The following ACSL3 variants were observed in gnomAD, a reference collection of about 807,000 sequenced individuals.
ACSL3 encodes the protein acyl-CoA synthetase long chain family member 3.
A neutral mutation model predicts 84.7 loss-of-function variants in ACSL3; 34 were observed. The observed-to-expected ratio is 0.40, with a 90% CI of 0.31 to 0.53. The LOEUF is 0.53. ACSL3 is among the 20% of genes least tolerant of loss of function. The pLI is 0.48. For synonymous variants in ACSL3, 315 were observed against 299.4 expected (o/e 1.05, Z -0.54); for missense variants, 680 against 873.1 (o/e 0.78, Z 2.79).
chr2:222,941,023 T>A (rs1697292083), intron 16 of ACSL3, among the ~76,000 whole-genome samples: 1 of 152,138 alleles, frequency 6.6e-6, no homozygotes, highest in African/African-American at 2.4e-5. Flanking sequence ...CACCTCAGCC[T>A]CCTGAGTAAC....
At chr2:222,929,304 CT>C (rs60728820) in intron 13 of ACSL3, among the ~76,000 whole-genome samples, 126,178 of 151,678 alleles carry the variant, frequency 0.83, 52,763 homozygotes, top group East Asian at 0.97. Flanking sequence ...TGATTTTTTT[CT>C]TTTTTTTTCT....
At chr2:222,876,020 C>A (rs1176205009) in intron 1 of ACSL3, among the ~76,000 whole-genome samples, 1 of 152,120 alleles carries the variant, frequency 6.6e-6, no homozygotes. Flanking sequence ...ACATACAATC[C>A]ATAGTTAAAA....
chr2:222,928,998 C>T, intron 13 of ACSL3, 62 bp downstream of exon 13: 3 of 1,363,326 alleles, frequency 2.2e-6, no homozygotes, highest in East Asian at 4.6e-5. Flanking sequence ...AAAATTAGTG[C>T]TTCACTTTCT....
intron 4 of ACSL3, among the ~76,000 whole-genome samples, chr2:222,911,902 CTG>C (rs905916662): frequency 2.6e-5 from 4 of 152,170 alleles, no homozygotes; most frequent in Admixed American, 2.0e-4. Context: ...GTGAGACAGA[CTG>C]TTTTTTAGCA....
chr2:222,869,396 A>G (rs537500664), intron 1 of ACSL3, among the ~76,000 whole-genome samples: 2 of 151,978 alleles, frequency 1.3e-5, no homozygotes, highest in South Asian at 2.1e-4. Context: ...TGTTTTCCCT[A>G]TGTATATTCT....
chr2:222,862,792 C>G (rs371970655), intron 1 of ACSL3, among the ~76,000 whole-genome samples: 130 of 152,252 alleles, frequency 8.5e-4, no homozygotes, highest in African/African-American at 3.1e-3. Flanking sequence ...CAAGTCACCT[C>G]GTATCTTTGG....
At chr2:222,873,081 A>T (rs1559276516) in intron 1 of ACSL3, among the ~76,000 whole-genome samples, 3 of 152,226 alleles carry the variant, frequency 2.0e-5, no homozygotes, top group Admixed American at 6.5e-5. Flanking sequence ...TCAAGTCAGT[A>T]TGCTTCTTTG....
chr2:222,939,197 G>A (rs2106145502), intron 16 of ACSL3, among the ~76,000 whole-genome samples: 1 of 152,154 alleles, frequency 6.6e-6, no homozygotes, highest in East Asian at 1.9e-4. Context: ...TTTTTGTTGG[G>A]ATGTCAGCAT....
intron 10 of ACSL3, 68 bp downstream of exon 10, chr2:222,923,217 A>G (rs1696786631): frequency 7.9e-7 from 1 of 1,265,068 alleles, no homozygotes; most frequent in Non-Finnish European, 1.1e-6. Flanking sequence ...CATTAGTGCT[A>G]GTGAAAAATA....
At chr2:222,889,300 C>T (rs1695791657) in intron 2 of ACSL3, among the ~76,000 whole-genome samples, 3 of 151,966 alleles carry the variant, frequency 2.0e-5, no homozygotes, top group African/African-American at 7.3e-5. Flanking sequence ...GGGTGGTGCA[C>T]AGGAAGAAGT....
At chr2:222,896,243 CA>C (rs1695970325) in intron 2 of ACSL3, among the ~76,000 whole-genome samples, 1 of 8,382 alleles carries the variant, frequency 1.2e-4, no homozygotes, top group Non-Finnish European at 1.9e-4. Context: ...GCTGGCCGGG[CA>C]GAGGGGCTCC....
At chr2:222,889,372 C>G (rs569871261) in intron 2 of ACSL3, among the ~76,000 whole-genome samples, 1 of 152,076 alleles carries the variant, frequency 6.6e-6, no homozygotes, top group Non-Finnish European at 1.5e-5. Flanking sequence ...AAATAAGACT[C>G]GTAGTCATGT....
chr2:222,900,185 CT>C (rs1696101491), intron 2 of ACSL3, among the ~76,000 whole-genome samples: 1 of 152,096 alleles, frequency 6.6e-6, no homozygotes, highest in African/African-American at 2.4e-5. Flanking sequence ...AATTAAATGG[CT>C]TAATTGAATG....
rs945462903 is a variant in ACSL3 at position 222,921,378 on chromosome 2, A to G, written c.904A>G (p.Ser302Gly). The change falls in exon 8 of 17, where the codon AGT (serine) becomes GGT (glycine). Residue 302 changes from serine (S) to glycine (G), a missense_variant. Around this residue, in one of 2 missense-constraint regions of ACSL3, gnomAD observed 347 missense variants for 525.7 expected, o/e 0.66. Transcript: ENST00000357430. ...GLPKGVMISH[S>G]NIIAGITGMA... The stretch of plus-strand genomic sequence containing the variant: ...TCCAAAGGGAGTCATGATCTCACAT[A>G]GTAACATTATTGCTGGTATAACTGG... 1 of 1,602,578 alleles carries G rather than the reference A, an allele frequency of 6.2e-7. No individual in the cohort carries two copies.
intron 1 of ACSL3, among the ~76,000 whole-genome samples, chr2:222,867,879 G>A (rs1010269814): frequency 6.6e-6 from 1 of 151,422 alleles, no homozygotes; most frequent in African/African-American, 2.4e-5. Context: ...TTGAGCTAAG[G>A]TACCATTCTT....
At chr2:222,937,419 T>C (rs1210225607) in intron 16 of ACSL3, among the ~76,000 whole-genome samples, 1 of 152,190 alleles carries the variant, frequency 6.6e-6, no homozygotes, top group East Asian at 1.9e-4. Flanking sequence ...TCTCCTACTA[T>C]TATTGTATTG....
In ACSL3 at chr2:222,930,786, A is replaced by T. The variant is rs781376606; in HGVS notation, c.1706A>T (p.Glu569Val). The T allele has an allele frequency of 1.4e-5, 23 of 1,607,106 alleles. No individual in the cohort carries two copies. Among genetic ancestry groups the T allele is most frequent in the Non-Finnish European group, 1.9e-5 (22 of 1,177,434 alleles). Reference protein sequence around the residue: ...WLCTGDIGEFEPDGCLKIIDR... With the variant: ...WLCTGDIGEFVPDGCLKIIDR... ...TGTACTGGGGATATTGGAGAGTTTG[A>T]ACCCGATGGATGCTTAAAGATTATT... Residue 569 changes from glutamate (E) to valine (V), a missense_variant, in exon 14 of 17, where the codon GAA becomes GTA. Glu to Val is a moderately radical substitution (Grantham distance 121). Around this residue, in one of 2 missense-constraint regions of ACSL3, gnomAD observed 347 missense variants for 525.7 expected, o/e 0.66. Transcript: ENST00000357430.
Position 222,916,328 on chromosome 2 carries a change from G to A in ACSL3, c.388G>A (p.Gly130Arg). Residue 130 changes from glycine to arginine, a missense_variant, in exon 5 of 17, where the codon GGA becomes AGA. Coordinates refer to ENST00000357430, the MANE Select transcript of ACSL3 (RefSeq NM_004457.5). Reference protein sequence around the residue: ...NGKIFKKVILGQYNWLSYEDV... With the variant: ...NGKIFKKVILRQYNWLSYEDV... The stretch of plus-strand genomic sequence containing the variant: ...TTTTTTGTTTTATCAGGTTATTCTT[G>A]GACAGTATAATTGGCTTTCCTATGA... 6.2e-7 allele frequency: 1 copy of A among 1,603,324 alleles called. No homozygotes were observed. The highest frequency in any genetic ancestry group is 8.5e-7 in the Non-Finnish European group (1 of 1,174,790).
intron 3 of ACSL3, among the ~76,000 whole-genome samples, chr2:222,906,648 C>T (rs1320929892): frequency 2.0e-5 from 3 of 149,414 alleles, no homozygotes; most frequent in Non-Finnish European, 4.4e-5. Context: ...TGGAATCTTG[C>T]TCTGTTGCTG....
Sources: gnomAD v4.1 joint callset for allele counts (sites outside exome capture counted in the v4.1 genomes callset) on GRCh38, gnomAD v4.1.1 for gene constraint, gnomAD v4.1.1 regional missense constraint, MANE v1.5 for transcripts, NCBI Gene and HGNC (gene_info 2026-07-23, HGNC 2026-07-21) for gene names.